Variants in NIPSNAP2 observed in about 807,000 individuals in gnomAD.
The protein encoded by NIPSNAP2 is nipsnap homolog 2.
NIPSNAP2 carries 42 observed loss-of-function variants against 48.4 expected under a neutral mutation model. The ratio of observed to expected loss-of-function variants is 0.87; its 90% CI spans 0.68 to 1.12. The LOEUF (loss-of-function observed/expected upper bound fraction) is 1.12. Among genes scored for constraint, NIPSNAP2 ranks in the 50% most tolerant of loss-of-function variants. NIPSNAP2 has a pLI of 0.00. For synonymous variants in NIPSNAP2, 158 were observed against 126.6 expected, an observed-to-expected ratio of 1.25 and a Z score of -1.67; for missense variants, 314 against 347.3, an observed-to-expected ratio of 0.90 and a Z score of 0.76.
At chr7:55,976,893 T>C (rs935194503) in intron 1 of NIPSNAP2, among the ~76,000 whole-genome samples, 4 of 151,622 alleles carry the variant, frequency 2.6e-5, no homozygotes, top group African/African-American at 9.7e-5. Flanking sequence ...AGACCCAGTC[T>C]CAAAAAAAGA....
intron 1 of NIPSNAP2, among the ~76,000 whole-genome samples, chr7:55,975,703 A>T (rs1584341249): frequency 6.6e-6 from 1 of 152,264 alleles, no homozygotes; most frequent in East Asian, 1.9e-4. Context: ...AACCAAGAAG[A>T]TGAGGGAAAC....
chr7:55,977,962 C>G (rs2116344141), intron 1 of NIPSNAP2, among the ~76,000 whole-genome samples, 164 bp from the exon 2 acceptor site: 1 of 152,302 alleles, frequency 6.6e-6, no homozygotes, highest in Non-Finnish European at 1.5e-5. Flanking sequence ...TTTTTCTTTG[C>G]TTCTGCTTCT....
chr7:55,974,864 A>AAAG (rs1554341939), intron 1 of NIPSNAP2, among the ~76,000 whole-genome samples: 2 of 149,048 alleles, frequency 1.3e-5, no homozygotes, highest in African/African-American at 5.0e-5. Flanking sequence ...AAAAAAAAAA[A>AAAG]AAAGAAATAC....
intron 3 of NIPSNAP2, chr7:55,980,545 A>G (rs1787191960): frequency 1.3e-5 from 2 of 152,100 alleles, no homozygotes; most frequent in Admixed American, 1.3e-4. Context: ...ATACTTTTTC[A>G]TCATAATTTT....
chr7:55,990,661 G>C (rs73138774), intron 7 of NIPSNAP2, among the ~76,000 whole-genome samples: 4 of 152,056 alleles, frequency 2.6e-5, no homozygotes, highest in African/African-American at 7.2e-5. Flanking sequence ...ACCCACAAAG[G>C]GGGAGGCCAC....
At chr7:55,984,455 G>C (rs1787285613) in intron 6 of NIPSNAP2, among the ~76,000 whole-genome samples, 1 of 152,154 alleles carries the variant, frequency 6.6e-6, no homozygotes, top group Non-Finnish European at 1.5e-5. Flanking sequence ...GGTGGCTCAT[G>C]CCTGTAATCC....
At chr7:55,973,907 T>G (rs1439797678) in intron 1 of NIPSNAP2, among the ~76,000 whole-genome samples, 1 of 152,150 alleles carries the variant, frequency 6.6e-6, no homozygotes, top group Non-Finnish European at 1.5e-5. Flanking sequence ...GGGAGAAGAT[T>G]GCTCTGTAAT....
Position 55,986,999 on chromosome 7 carries a change from A to C in NIPSNAP2, c.617+2121A>C, listed in dbSNP as rs535903792. Among the ~76,000 whole-genome samples, 494 of 149,230 alleles carry C rather than the reference A, an allele frequency of 3.3e-3. 4 individuals carry two copies. Among genetic ancestry groups the C allele is most frequent in the African/African-American group, 0.011 (440 of 40,832 alleles). On this transcript the variant is annotated intron_variant, in intron 7 of 9. Transcript: ENST00000322090. ...CTGTCTCTATAAAAAAAAAAAAAAA[A>C]AAAAAAAAAAACTTGCCAGGCGTGG...
At chr7:55,972,939 C>CA (rs1392630174) in intron 1 of NIPSNAP2, among the ~76,000 whole-genome samples, 6 of 151,858 alleles carry the variant, frequency 4.0e-5, no homozygotes, top group Admixed American at 3.3e-4. Context: ...CCTGTCTCTA[C>CA]AAAAAAATAC....
rs1240832196 is a variant in NIPSNAP2, at chr7:55,983,800, A to G, written c.517A>G (p.Ser173Gly). The change falls in exon 6 of 10, where the codon AGT (serine) becomes GGT (glycine). Residue 173 changes from serine (S) to glycine (G), a missense_variant. Coordinates refer to ENST00000322090, the MANE Select transcript of NIPSNAP2 (RefSeq NM_001483.3). ...GAAGAATCAGCTCCTGTTGGAGTTC[A>G]GTTTCTGGAATGAGCCTGTGCCAAG... ...SRKNQLLLEF[S>G]FWNEPVPRSG... The G allele has an allele frequency of 1.2e-6, 2 of 1,613,944 alleles. No homozygotes were observed. Among genetic ancestry groups the G allele is most frequent in the Non-Finnish European group, 1.7e-6 (2 of 1,179,974 alleles).
At chr7:55,987,525 G>A (rs112669413) in intron 7 of NIPSNAP2, among the ~76,000 whole-genome samples, 1 of 152,172 alleles carries the variant, frequency 6.6e-6, no homozygotes, top group Admixed American at 6.6e-5. Flanking sequence ...CTACTCAGCA[G>A]GCTGAGGCAG....
rs1562765185 is a variant in NIPSNAP2 at position 55,982,239 on chromosome 7, C to G, written c.403C>G (p.Pro135Ala). 1 of 1,609,778 alleles carries G rather than the reference C, an allele frequency of 6.2e-7. No individual in the cohort carries two copies. The highest frequency in any genetic ancestry group is 8.5e-7 in the Non-Finnish European group (1 of 1,176,402). The change falls in exon 5 of 10, where the codon CCA (proline) becomes GCA (alanine). Residue 135 changes from proline to alanine, a missense_variant. Pro to Ala is a conservative substitution (Grantham distance 27). Coordinates refer to ENST00000322090, the MANE Select transcript of NIPSNAP2 (RefSeq NM_001483.3). ...CCTCTGGAGGTATGAAGGAGGCTAT[C>G]CAGCCCTCACAGAAGTCATGAATAA... ...VHLWRYEGGYPALTEVMNKLR... is the reference protein window; with the variant it reads ...VHLWRYEGGYAALTEVMNKLR...
At chr7:55,969,889 A>G (rs1433773179) in intron 1 of NIPSNAP2, among the ~76,000 whole-genome samples, 1 of 150,966 alleles carries the variant, frequency 6.6e-6, no homozygotes, top group Non-Finnish European at 1.5e-5. Context: ...AGGCTGAGGC[A>G]GGAGAATGGC....
At position 55,993,844 on chromosome 7, in the gene NIPSNAP2, G is replaced by A. The variant is rs372311088; in HGVS notation, c.618-1050G>A. On this transcript the variant is annotated intron_variant, in intron 7 of 9. Transcript: ENST00000322090. Reference sequence around the variant, plus strand: ...AGTGTGATGTCCACAGAGGCACAATGTATATTAGTACTTTCTTCCATATTT... The same window carrying A: ...AGTGTGATGTCCACAGAGGCACAATATATATTAGTACTTTCTTCCATATTT... Among the ~76,000 whole-genome samples the A allele has an allele frequency of 2.6e-5, 4 of 151,618 alleles. No homozygotes were observed. The South Asian group carries it at 8.3e-4, about 31-fold the overall frequency.
intron 1 of NIPSNAP2, among the ~76,000 whole-genome samples, chr7:55,973,457 ATTTAT>A (rs997785964): frequency 3.3e-5 from 5 of 151,130 alleles, no homozygotes; most frequent in Non-Finnish European, 5.9e-5. Context: ...TTTATTTTTA[ATTTAT>A]TTTATTTTAT....
At chr7:55,982,560 T>A (rs190012953) in intron 5 of NIPSNAP2, among the ~76,000 whole-genome samples, 89 of 149,644 alleles carry the variant, frequency 5.9e-4, no homozygotes, top group African/African-American at 2.1e-3. Flanking sequence ...CATCCTGGCT[T>A]ACACAGTGAA....
chr7:55,995,052 A>G (rs1562769649), intron 8 of NIPSNAP2, 64 bp downstream of exon 8: 3 of 1,322,528 alleles, frequency 2.3e-6, no homozygotes, highest in Middle Eastern at 1.8e-4. Context: ...TGTACTGGGA[A>G]GTAGAGCACA....
At chr7:55,974,068 T>C (rs142514203) in intron 1 of NIPSNAP2, among the ~76,000 whole-genome samples, 252 of 151,760 alleles carry the variant, frequency 1.7e-3, no homozygotes, top group African/African-American at 5.8e-3. Context: ...CTACTAAAAA[T>C]ACAAAGATTA....
intron 7 of NIPSNAP2, among the ~76,000 whole-genome samples, chr7:55,989,585 A>G (rs932985679): frequency 7.9e-5 from 12 of 152,172 alleles, no homozygotes; most frequent in African/African-American, 2.9e-4. Flanking sequence ...TGATCATGCC[A>G]TTCCACTCCA....
Sources: allele counts gnomAD v4.1 joint callset (sites outside exome capture counted in the v4.1 genomes callset), GRCh38; gene constraint gnomAD v4.1.1; transcripts MANE v1.5; gene names NCBI Gene and HGNC (gene_info 2026-07-23, HGNC 2026-07-21).